GUCY2C: variants seen among roughly 807,000 people sequenced by gnomAD.
GUCY2C encodes the protein guanylyl cyclase C.
A neutral mutation model predicts 131.1 loss-of-function variants in GUCY2C; 118 were observed. The observed-to-expected ratio is 0.90, with a 90% CI of 0.78 to 1.05. The LOEUF is 1.05. Ranked by LOEUF, GUCY2C falls within the 50% of genes least tolerant of loss-of-function variation. The probability of loss-of-function intolerance (pLI) is 0.00; values close to 1 mark genes in which losing one functional copy is unlikely to be tolerated. For synonymous variants in GUCY2C, 452 were observed against 457.8 expected (o/e 0.99, Z 0.16); for missense variants, 1,161 against 1,304.4 (o/e 0.89, Z 1.69).
At chr12:14,673,080 T>G in intron 8 of GUCY2C, 122 bp from the exon 9 acceptor site, 1 of 654,854 alleles carries the variant, frequency 1.5e-6, no homozygotes, top group Non-Finnish European at 2.8e-6. Context: ...CTGAAAACAT[T>G]GTTGACATTA....
chr12:14,644,960 A>T (rs1947489352), intron 16 of GUCY2C, among the ~76,000 whole-genome samples: 1 of 151,698 alleles, frequency 6.6e-6, no homozygotes. Context: ...AATCTGTGAA[A>T]CTGCATGCCT....
rs1291865954 is a variant in GUCY2C at position 14,672,892 on chromosome 12, G to T, written c.1151C>A (p.Thr384Asn). The change falls in exon 9 of 27, where the codon ACC (threonine) becomes AAC (asparagine). Residue 384 changes from threonine (T) to asparagine (N), a missense_variant. By Grantham distance (65) the Thr-to-Asn change is moderately conservative. Transcript: ENST00000261170. ...DVDSTMVLLY[T>N]SVDTKKYKVL... ...ACATACTTTCTTGGTGTCCACAGAG[G>T]TATACAGAAGCACCATGGTACTGTC... is the stretch of plus-strand genomic sequence containing the variant. 6.3e-7 allele frequency: 1 copy of T among 1,599,964 alleles called. No individual in the cohort carries two copies. The highest frequency in any genetic ancestry group is 1.3e-5 in the African/African-American group (1 of 74,680).
Position 14,629,454 on chromosome 12 carries a change from A to G in GUCY2C, c.2158-717T>C, listed in dbSNP as rs184093048. On this transcript the variant is annotated intron_variant, in intron 19 of 26. Coordinates refer to ENST00000261170, the MANE Select transcript of GUCY2C (RefSeq NM_004963.4). ...AGGACTCAGACCTTAGTTGTAGATT[A>G]AAAGAAGTTAATCACGTATGTCTTT... 6.6e-3 allele frequency among the ~76,000 whole-genome samples: 998 copies of G among 152,350 alleles called. 11 individuals are homozygous for G. Among genetic ancestry groups the G allele is most frequent in the Non-Finnish European group, 0.011 (716 of 68,030 alleles).
intron 2 of GUCY2C, among the ~76,000 whole-genome samples, chr12:14,686,446 C>T (rs560935861): frequency 4.6e-5 from 7 of 152,188 alleles, no homozygotes; most frequent in African/African-American, 1.7e-4. Flanking sequence ...AGGTATTTTA[C>T]AAAGGTGAGC....
intron 15 of GUCY2C, among the ~76,000 whole-genome samples, chr12:14,649,861 T>C (rs938579752): frequency 1.3e-5 from 2 of 152,204 alleles, no homozygotes; most frequent in African/African-American, 4.8e-5. Context: ...TCACATGGCT[T>C]ATTATTCCCT....
In GUCY2C at chr12:14,626,621, C is replaced by G. The variant is rs190565149; in HGVS notation, c.2250-706G>C. On this transcript the variant is annotated intron_variant, in intron 20 of 26. Transcript: ENST00000261170. ...ACAACAGCAAACATTTGAAAATAAT[C>G]TAAATGTATAACAAAAGTGTGGTTA... is the stretch of plus-strand genomic sequence containing the variant. Among the ~76,000 whole-genome samples, 66 of 152,158 alleles carry G rather than the reference C, an allele frequency of 4.3e-4. No homozygotes were observed. The Middle Eastern group carries it at 0.01, about 24-fold the overall frequency.
chr12:14,632,484 G>A (rs1362466740), intron 19 of GUCY2C, among the ~76,000 whole-genome samples: 2 of 152,054 alleles, frequency 1.3e-5, no homozygotes, highest in Non-Finnish European at 2.9e-5. Flanking sequence ...CCTTTTTGAG[G>A]GACAATTACA....
chr12:14,654,156 T>TCTA (rs1216917113), intron 12 of GUCY2C, among the ~76,000 whole-genome samples: 1 of 152,226 alleles, frequency 6.6e-6, no homozygotes, highest in Non-Finnish European at 1.5e-5. Flanking sequence ...TGTTACTCTA[T>TCTA]CCCTTTGACT....
intron 19 of GUCY2C, among the ~76,000 whole-genome samples, chr12:14,631,692 C>T (rs1018522314): frequency 2.1e-5 from 3 of 145,024 alleles, no homozygotes; most frequent in East Asian, 4.0e-4. Context: ...AATAAACATA[C>T]GTGTGCATGT....
chr12:14,626,177 T>G (rs1039687989), intron 20 of GUCY2C, among the ~76,000 whole-genome samples: 1 of 151,948 alleles, frequency 6.6e-6, no homozygotes, highest in African/African-American at 2.4e-5. Flanking sequence ...CTTTCTCTAC[T>G]AGAAATACAG....
intron 19 of GUCY2C, among the ~76,000 whole-genome samples, chr12:14,630,903 C>T (rs1326509795): frequency 6.6e-6 from 1 of 152,016 alleles, no homozygotes; most frequent in African/African-American, 2.4e-5. Flanking sequence ...TTTGGATATA[C>T]TCAGATTAGA....
intron 1 of GUCY2C, among the ~76,000 whole-genome samples, chr12:14,690,306 C>T (rs1371049651): frequency 6.6e-6 from 1 of 152,150 alleles, no homozygotes; most frequent in Non-Finnish European, 1.5e-5. Flanking sequence ...TGGGCTACTC[C>T]CAAAGCCAAA....
Position 14,616,280 on chromosome 12 carries a change from G to A in GUCY2C, c.2970+353C>T, listed in dbSNP as rs76961766. 1.8e-3 allele frequency among the ~76,000 whole-genome samples: 267 copies of A among 152,242 alleles called. 2 individuals carry two copies. The highest frequency in any genetic ancestry group is 6.8e-3 in the Middle Eastern group (2 of 294). ...TGACCTCAGATCATAGCAGCAGTGT[G>A]TAGTAAGAGTAGGGAAGTAAGTGGG... On this transcript the variant is annotated intron_variant, in intron 25 of 26. Coordinates refer to ENST00000261170, the MANE Select transcript of GUCY2C (RefSeq NM_004963.4).
In GUCY2C at chr12:14,688,024, T is replaced by C; in HGVS notation, c.257A>G (p.Asp86Gly). 6.2e-7 allele frequency: 1 copy of C among 1,613,858 alleles called. No homozygotes were observed. Among genetic ancestry groups the C allele is most frequent in the Non-Finnish European group, 8.5e-7 (1 of 1,179,758 alleles). The stretch of plus-strand genomic sequence containing the variant: ...GTCGCCTGAGTTATGAATCAGACCA[T>C]CCGAATACATGAAAGTAGCGTTCAC... ...VTVNATFMYS[D>G]GLIHNSGDCR... is the part of the protein sequence containing the mutation. Residue 86 changes from aspartate (D) to glycine (G), a missense_variant, in exon 2 of 27, where the codon GAT (aspartate) becomes GGT (glycine). Coordinates refer to ENST00000261170, the MANE Select transcript of GUCY2C (RefSeq NM_004963.4).
intron 21 of GUCY2C, among the ~76,000 whole-genome samples, chr12:14,622,615 G>A (rs553014217): frequency 1.3e-5 from 2 of 152,168 alleles, no homozygotes; most frequent in African/African-American, 4.8e-5. Flanking sequence ...ACAGGTATCA[G>A]ATCTGAATTT....
intron 20 of GUCY2C, among the ~76,000 whole-genome samples, chr12:14,626,864 A>G (rs1281900109): frequency 6.6e-6 from 1 of 152,158 alleles, no homozygotes; most frequent in Non-Finnish European, 1.5e-5. Flanking sequence ...TCTTATTTGT[A>G]TTTTCTAAAA....
At chr12:14,647,272 C>A (rs995382621) in intron 15 of GUCY2C, among the ~76,000 whole-genome samples, 1 of 151,760 alleles carries the variant, frequency 6.6e-6, no homozygotes, top group Non-Finnish European at 1.5e-5. Context: ...TGACAAGTGG[C>A]CTCTTCATTC....
intron 16 of GUCY2C, among the ~76,000 whole-genome samples, chr12:14,644,740 C>CTTTTTT (rs542151875): frequency 9.2e-6 from 1 of 108,664 alleles, no homozygotes; most frequent in Non-Finnish European, 1.9e-5. Context: ...ATTCAGTTGT[C>CTTTTTT]TTTTTTTTTT....
At chr12:14,670,168 G>T (rs751633479) in intron 9 of GUCY2C, among the ~76,000 whole-genome samples, 1 of 152,114 alleles carries the variant, frequency 6.6e-6, no homozygotes, top group African/African-American at 2.4e-5. Flanking sequence ...AATATTAAAT[G>T]GCTAGCTCCA....
Sources: gnomAD v4.1 joint callset for allele counts (sites outside exome capture counted in the v4.1 genomes callset) on GRCh38, gnomAD v4.1.1 for gene constraint, MANE v1.5 for transcripts, NCBI Gene and HGNC (gene_info 2026-07-23, HGNC 2026-07-21) for gene names.